The following CAPN13 variants were observed in gnomAD, a reference collection of about 807,000 sequenced individuals.
CAPN13 encodes calpain-13.
A neutral mutation model predicts 98.4 loss-of-function variants in CAPN13; 90 were observed. The observed-to-expected ratio is 0.92, with a 90% CI of 0.77 to 1.09. CAPN13 has a LOEUF of 1.09. Ranked by LOEUF, CAPN13 falls within the 50% of genes least tolerant of loss-of-function variation. The pLI is 0.00. For missense variants in CAPN13, 887 were observed against 841.3 expected (o/e 1.05, Z -0.67); for synonymous variants, 330 against 305.5 (o/e 1.08, Z -0.84).
intron 1 of CAPN13, among the ~76,000 whole-genome samples, chr2:30,798,327 G>A (rs746767959): frequency 3.3e-5 from 5 of 152,208 alleles, no homozygotes; most frequent in Non-Finnish European, 5.9e-5. Flanking sequence ...GGAAATGGTT[G>A]AGCAGAGGCT....
chr2:30,801,135 C>T (rs1355776925), intron 1 of CAPN13, among the ~76,000 whole-genome samples: 1 of 152,104 alleles, frequency 6.6e-6, no homozygotes, highest in African/African-American at 2.4e-5. Flanking sequence ...GGCAGACCCT[C>T]GGCTCCGGGC....
At chr2:30,750,195 T>G (rs1200519815) in intron 11 of CAPN13, among the ~76,000 whole-genome samples, 1 of 152,118 alleles carries the variant, frequency 6.6e-6, no homozygotes, top group Non-Finnish European at 1.5e-5. Flanking sequence ...CTTAGCAAAC[T>G]AATGCAGGAA....
intron 7 of CAPN13, among the ~76,000 whole-genome samples, chr2:30,759,066 CCCTCCTCCCTCCCTT>C (rs1558315396): frequency 1.4e-4 from 2 of 14,028 alleles, no homozygotes; most frequent in East Asian, 1.9e-3. Context: ...CTCCCTCCCT[CCCTCCTCCCTCCCTT>C]CCTCTCTGCC....
At chr2:30,772,223 C>T (rs1433564873) in intron 4 of CAPN13, among the ~76,000 whole-genome samples, 1 of 152,170 alleles carries the variant, frequency 6.6e-6, no homozygotes, top group Non-Finnish European at 1.5e-5. Context: ...GTGGGGAGGG[C>T]TGGCATTTGG....
chr2:30,765,433 T>C (rs1673063347), intron 5 of CAPN13, among the ~76,000 whole-genome samples: 1 of 152,344 alleles, frequency 6.6e-6, no homozygotes. Context: ...GCAGAGCCCT[T>C]CACAGGGTAG....
At chr2:30,794,173 C>T (rs1674738349) in intron 1 of CAPN13, among the ~76,000 whole-genome samples, 1 of 150,914 alleles carries the variant, frequency 6.6e-6, no homozygotes, top group Non-Finnish European at 1.5e-5. Context: ...GGACTTGAAT[C>T]CACAACATAT....
At chr2:30,805,478 C>T (rs915967058) in intron 1 of CAPN13, among the ~76,000 whole-genome samples, 3 of 152,056 alleles carry the variant, frequency 2.0e-5, no homozygotes, top group Non-Finnish European at 2.9e-5. Flanking sequence ...TATAGAGAAC[C>T]CAGGCTAAAA....
At chr2:30,767,621 C>T (rs897109153) in intron 5 of CAPN13, among the ~76,000 whole-genome samples, 3 of 152,206 alleles carry the variant, frequency 2.0e-5, no homozygotes, top group African/African-American at 7.2e-5. Flanking sequence ...ACCTCCCAAA[C>T]ATGTGGATTG....
intron 1 of CAPN13, among the ~76,000 whole-genome samples, chr2:30,796,337 T>C (rs1321903443): frequency 2.6e-5 from 4 of 151,684 alleles, no homozygotes; most frequent in Non-Finnish European, 1.5e-5. Context: ...GAGTAGGTTG[T>C]ATATCACGTA....
At chr2:30,745,895 T>TTG (rs1491215405) in intron 11 of CAPN13, among the ~76,000 whole-genome samples, 161 bp from the exon 12 acceptor site, 1 of 8,820 alleles carries the variant, frequency 1.1e-4, no homozygotes, top group East Asian at 1.4e-3. Context: ...CCATAAAGCA[T>TTG]TTTTTTTTTT....
rs545063062 is a variant in CAPN13, at chr2:30,763,941, T to C, written c.699+191A>G. On this transcript the variant is annotated intron_variant, in intron 6 of 22. Transcript: ENST00000295055. ...TGAGCCCGCCTTTTCTTCTGTGAAG[T>C]GAATTCTGCAATTTATGTCTTAGAG... 5.9e-5 allele frequency among the ~76,000 whole-genome samples: 9 copies of C among 152,334 alleles called. No individual in the cohort carries two copies. In the South Asian group the frequency reaches 1.2e-3, roughly 21 times the overall value.
chr2:30,742,021 T>C, intron 14 of CAPN13, 57 bp from the exon 15 acceptor site: 1 of 1,502,826 alleles, frequency 6.7e-7, no homozygotes, highest in Non-Finnish European at 9.3e-7. Context: ...GCCACCCATC[T>C]GGTACAGCAA....
intron 12 of CAPN13, among the ~76,000 whole-genome samples, chr2:30,745,493 AT>A (rs1399196587): frequency 6.6e-6 from 1 of 152,180 alleles, no homozygotes; most frequent in Non-Finnish European, 1.5e-5. Flanking sequence ...TTTCACTTGA[AT>A]GTTAGCAAGA....
chr2:30,750,956 G>C (rs2147988658), intron 11 of CAPN13, 147 bp downstream of exon 11: 1 of 873,912 alleles, frequency 1.1e-6, no homozygotes, highest in Non-Finnish European at 1.7e-6. Context: ...ATTTAGACTT[G>C]GACTGCATGA....
At chr2:30,754,755 C>T (rs968192115) in intron 8 of CAPN13, among the ~76,000 whole-genome samples, 1 of 152,082 alleles carries the variant, frequency 6.6e-6, no homozygotes, top group Non-Finnish European at 1.5e-5. Flanking sequence ...ATTGATTGAT[C>T]CTACCTCTTA....
intron 1 of CAPN13, among the ~76,000 whole-genome samples, chr2:30,800,320 G>A (rs1267675638): frequency 6.6e-6 from 1 of 152,182 alleles, no homozygotes. Context: ...GCGCAAGAGA[G>A]GCAGAAAGCA....
chr2:30,796,767 C>A (rs752090144), intron 1 of CAPN13, among the ~76,000 whole-genome samples: 1 of 152,138 alleles, frequency 6.6e-6, no homozygotes. Context: ...ATTTTGTACG[C>A]CTCACTTGAC....
In CAPN13 at chr2:30,777,606, C is replaced by T. The variant is rs761610827; in HGVS notation, c.232G>A (p.Asp78Asn). ...TGGATGTCAAATCTGCTTATATCAT[C>T]CAGGATGAAGTGAGGAGGACCCCCT... is the stretch of plus-strand genomic sequence containing the variant. The part of the protein sequence containing the change: ...LPGGPPHFIL[D>N]DISRFDIQQG... The change falls in exon 3 of 23, where the codon GAT (aspartate) becomes AAT (asparagine). Residue 78 changes from aspartate (D) to asparagine (N), a missense_variant. By Grantham distance (23) the Asp-to-Asn change is conservative. Coordinates refer to ENST00000295055, the MANE Select transcript of CAPN13 (RefSeq NM_144575.3). 7.0e-6 allele frequency: 11 copies of T among 1,581,088 alleles called. No homozygotes were observed. The highest frequency in any genetic ancestry group is 9.5e-6 in the Non-Finnish European group (11 of 1,162,068).
chr2:30,775,594 C>T (rs1184180382), intron 4 of CAPN13, among the ~76,000 whole-genome samples: 1 of 152,154 alleles, frequency 6.6e-6, no homozygotes, highest in Non-Finnish European at 1.5e-5. Context: ...GATGTTACCA[C>T]TTCCTATAAA....
Sources: allele counts gnomAD v4.1 joint callset (sites outside exome capture counted in the v4.1 genomes callset), GRCh38; gene constraint gnomAD v4.1.1; transcripts MANE v1.5; gene names NCBI Gene and HGNC (gene_info 2026-07-23, HGNC 2026-07-21).